FBXO11: variants seen among roughly 807,000 people sequenced by gnomAD.
FBXO11 encodes the protein F-box only protein 11.
In FBXO11, 13 loss-of-function variants were observed where a neutral mutation model predicts 117.0. The ratio of observed to expected loss-of-function variants is 0.11; its 90% confidence interval spans 0.07 to 0.18. The LOEUF is 0.18. Among genes scored for constraint, FBXO11 ranks in the 10% least tolerant of loss-of-function variants. The probability of loss-of-function intolerance (pLI) is 1.00; values close to 1 mark genes in which losing one functional copy is unlikely to be tolerated. For missense variants in FBXO11, 767 were observed against 1,164.4 expected, an observed-to-expected ratio of 0.66 and a Z score of 4.97; for synonymous variants, 490 against 380.5, an observed-to-expected ratio of 1.29 and a Z score of -3.35.
At chr2:47,885,549 T>C (rs1385462109) in intron 1 of FBXO11, among the ~76,000 whole-genome samples, 1 of 151,632 alleles carries the variant, frequency 6.6e-6, no homozygotes, top group Non-Finnish European at 1.5e-5. Context: ...CACTCCAGCC[T>C]GGGCAACATA....
chr2:47,849,758 T>C (rs1162441097), intron 1 of FBXO11, among the ~76,000 whole-genome samples: 2 of 152,214 alleles, frequency 1.3e-5, no homozygotes, highest in Non-Finnish European at 2.9e-5. Flanking sequence ...GAGTCAGTTA[T>C]GCAGAAGGAA....
rs527965373 is a variant in FBXO11 at position 47,854,896 on chromosome 2, G to T, written c.233-15127C>A. Among the ~76,000 whole-genome samples, 6 of 143,810 alleles carry T rather than the reference G, an allele frequency of 4.2e-5. No homozygotes were observed. In the South Asian group the frequency reaches 6.6e-4, roughly 16 times the overall value. 94.3% of individuals were successfully genotyped at this position (143,810 alleles called of 152,430 possible). On this transcript the variant is annotated intron_variant, in intron 1 of 22. Coordinates refer to ENST00000403359, the MANE Select transcript of FBXO11 (RefSeq NM_001190274.2). ...TTTTAGTGGAAAAATTTCAATTACTGTTGTAACATTCATCAAACCTTTTAT... is the reference window on the plus strand; with the variant it reads ...TTTTAGTGGAAAAATTTCAATTACTTTTGTAACATTCATCAAACCTTTTAT...
At chr2:47,826,279 G>A (rs1157990882) in intron 11 of FBXO11, among the ~76,000 whole-genome samples, 7 of 151,144 alleles carry the variant, frequency 4.6e-5, no homozygotes, top group South Asian at 2.1e-4. Context: ...GGATGGTCTC[G>A]ATCTCCTAAC....
chr2:47,816,371 G>A (rs1671010305), intron 16 of FBXO11, among the ~76,000 whole-genome samples: 1 of 152,052 alleles, frequency 6.6e-6, no homozygotes, highest in Non-Finnish European at 1.5e-5. Flanking sequence ...TACAGAGACA[G>A]GGTTTTGCTA....
At chr2:47,878,270 C>T (rs1171898885) in intron 1 of FBXO11, among the ~76,000 whole-genome samples, 1 of 152,134 alleles carries the variant, frequency 6.6e-6, no homozygotes, top group African/African-American at 2.4e-5. Context: ...ATTCTGCAGA[C>T]GACCTCTCAG....
At chr2:47,827,423 C>T (rs955716395) in intron 11 of FBXO11, among the ~76,000 whole-genome samples, 2 of 152,152 alleles carry the variant, frequency 1.3e-5, no homozygotes, top group African/African-American at 4.8e-5. Context: ...TCTCCTGCCT[C>T]AGCCTCCCGA....
At chr2:47,899,863 G>A (rs906841379) in intron 1 of FBXO11, among the ~76,000 whole-genome samples, 4 of 151,736 alleles carry the variant, frequency 2.6e-5, no homozygotes, top group African/African-American at 4.8e-5. Context: ...TTAATATCAG[G>A]GATAAATAGG....
intron 1 of FBXO11, among the ~76,000 whole-genome samples, chr2:47,859,550 T>C (rs1674591385): frequency 6.6e-6 from 1 of 152,218 alleles, no homozygotes; most frequent in Non-Finnish European, 1.5e-5. Flanking sequence ...TTTCCATAAA[T>C]GGATGAGACC....
intron 1 of FBXO11, among the ~76,000 whole-genome samples, chr2:47,854,521 T>TA (rs1316975143): frequency 6.6e-6 from 1 of 151,824 alleles, no homozygotes; most frequent in Non-Finnish European, 1.5e-5. Context: ...AATAAATAAA[T>TA]AATAGAAAAC....
At chr2:47,831,070 A>C (rs985360683) in intron 11 of FBXO11, among the ~76,000 whole-genome samples, 6 of 150,814 alleles carry the variant, frequency 4.0e-5, no homozygotes, top group Non-Finnish European at 8.9e-5. Flanking sequence ...AAGTGCTGGG[A>C]TTACAGGTGT....
At chr2:47,854,124 C>T (rs1349529504) in intron 1 of FBXO11, among the ~76,000 whole-genome samples, 1 of 152,168 alleles carries the variant, frequency 6.6e-6, no homozygotes, top group Non-Finnish European at 1.5e-5. Flanking sequence ...AAAGTATGTT[C>T]ACTTAGAAAA....
At chr2:47,858,681 C>CAAAAAA (rs902232765) in intron 1 of FBXO11, among the ~76,000 whole-genome samples, 21 of 67,366 alleles carry the variant, frequency 3.1e-4, no homozygotes, top group African/African-American at 4.0e-4. Flanking sequence ...GACTCTGCCT[C>CAAAAAA]AAAAAAAAAA....
intron 11 of FBXO11, among the ~76,000 whole-genome samples, chr2:47,831,787 G>C (rs1299596841): frequency 6.6e-6 from 1 of 152,080 alleles, no homozygotes; most frequent in Non-Finnish European, 1.5e-5. Flanking sequence ...ATTCCATAAG[G>C]ATGCCTAATA....
At chr2:47,899,713 C>T (rs1028597432) in intron 1 of FBXO11, among the ~76,000 whole-genome samples, 1 of 151,960 alleles carries the variant, frequency 6.6e-6, no homozygotes, top group African/African-American at 2.4e-5. Context: ...GAATACTTTG[C>T]CAACAAAGTC....
At chr2:47,848,555 C>A (rs561885544) in intron 1 of FBXO11, among the ~76,000 whole-genome samples, 2 of 152,064 alleles carry the variant, frequency 1.3e-5, no homozygotes, top group South Asian at 2.1e-4. Flanking sequence ...AAAGTTAATA[C>A]GCAATTTAAA....
chr2:47,810,654 A>C, intron 18 of FBXO11: 4 of 413,670 alleles, frequency 9.7e-6, no homozygotes, highest in East Asian at 4.1e-5. Context: ...TGCCATCTCC[A>C]TGATAGCAGG....
chr2:47,897,867 A>C (rs372419233), intron 1 of FBXO11, among the ~76,000 whole-genome samples: 3 of 152,168 alleles, frequency 2.0e-5, no homozygotes, highest in African/African-American at 7.2e-5. Flanking sequence ...ACATATTCTT[A>C]CTCCATTTCT....
intron 11 of FBXO11, among the ~76,000 whole-genome samples, chr2:47,831,054 C>T (rs940229574): frequency 6.6e-6 from 1 of 151,888 alleles, no homozygotes; most frequent in Non-Finnish European, 1.5e-5. Flanking sequence ...CTGCCTTGGC[C>T]TCCCAAAGTG....
At position 47,905,538 on chromosome 2, in the gene FBXO11, T is replaced by C. The variant is rs975952587; in HGVS notation, c.183A>G (p.Pro61=). The change falls in exon 1 of 23, where the codon CCA becomes CCG. Residue 61 remains proline (P), a synonymous_variant. Coordinates refer to ENST00000403359, the MANE Select transcript of FBXO11 (RefSeq NM_001190274.2). ...CCTGAGGCAGCGGCGGAGGCGGCGG[T>C]GGCGGCGGCGGAGGCTGCTGCTGCT... ...QQQQQQPPPP[P]PPPPPLPQER... is the part of the protein sequence containing the mutation. 1.7e-4 allele frequency: 213 copies of C among 1,235,028 alleles called. No individual in the cohort carries two copies. The highest frequency in any genetic ancestry group is 3.0e-4 in the Admixed American group (7 of 23,600). The allele number at this position is 1,235,028 out of a possible 1,614,324, so 76.5% of individuals were successfully genotyped here.
Sources: gnomAD v4.1 joint callset for allele counts (sites outside exome capture counted in the v4.1 genomes callset) on GRCh38, gnomAD v4.1.1 for gene constraint, MANE v1.5 for transcripts, NCBI Gene and HGNC (gene_info 2026-07-23, HGNC 2026-07-21) for gene names.